Variants in ADAM19 observed in about 807,000 individuals in gnomAD.
ADAM19 encodes the protein ADAM metallopeptidase domain 19, also known as disintegrin and metalloproteinase domain-containing protein 19.
ADAM19 carries 65 observed loss-of-function variants against 114.7 expected under a neutral mutation model. That is an observed-to-expected ratio of 0.57 (90% CI 0.46 to 0.70). The LOEUF (loss-of-function observed/expected upper bound fraction) is 0.70, where lower values mean the gene tolerates loss of function less well. ADAM19 is among the 30% of genes least tolerant of loss of function. ADAM19 has a pLI of 0.00. For synonymous variants in ADAM19, 466 were observed against 460.5 expected, an observed-to-expected ratio of 1.01 and a Z score of -0.15; for missense variants, 1,063 against 1,204.7, an observed-to-expected ratio of 0.88 and a Z score of 1.74.
At chr5:157,548,937 A>G (rs376338343) in intron 3 of ADAM19, among the ~76,000 whole-genome samples, 8 of 152,300 alleles carry the variant, frequency 5.3e-5, no homozygotes, top group African/African-American at 1.9e-4. Flanking sequence ...ATGTATATCC[A>G]TAAATCCGTC....
At chr5:157,490,771 A>T (rs1414034930) in intron 18 of ADAM19, among the ~76,000 whole-genome samples, 1 of 151,980 alleles carries the variant, frequency 6.6e-6, no homozygotes, top group Non-Finnish European at 1.5e-5. Context: ...ACATGCCTGT[A>T]GTCTCAGCTA....
At position 157,479,191 on chromosome 5, in the gene ADAM19, C is replaced by G. The variant is rs1754677425; in HGVS notation, c.*1758G>C. The G allele has an allele frequency of 1.7e-5, 17 of 985,894 alleles. No homozygotes were observed. The highest frequency in any genetic ancestry group is 2.0e-5 in the Non-Finnish European group (17 of 829,940). 61.1% of individuals were successfully genotyped at this position (985,894 alleles called of 1,614,324 possible). A position where few individuals can be genotyped will look rare whatever the true frequency, so the allele number is the denominator to read the frequency against. ...CAGCCACCCTGAGGGAAGAGAAACT[C>G]ATTTTCCTGAGATCTTTCTAAACCC... On this transcript the variant is annotated 3_prime_UTR_variant, in exon 23 of 23. Coordinates refer to ENST00000257527, the MANE Select transcript of ADAM19 (RefSeq NM_033274.5).
intron 8 of ADAM19, among the ~76,000 whole-genome samples, chr5:157,510,077 A>T (rs1158737017): frequency 1.3e-5 from 2 of 152,204 alleles, no homozygotes; most frequent in Non-Finnish European, 2.9e-5. Context: ...TCTCTTGTAT[A>T]TAGATTTTTT....
At chr5:157,504,105 AAG>A (rs1459618344) in intron 11 of ADAM19, among the ~76,000 whole-genome samples, 1 of 152,254 alleles carries the variant, frequency 6.6e-6, no homozygotes, top group African/African-American at 2.4e-5. Flanking sequence ...TTAAAAATGA[AAG>A]AGAGTAGTAA....
chr5:157,506,585 T>C (rs1421606181), intron 10 of ADAM19, among the ~76,000 whole-genome samples: 1 of 152,218 alleles, frequency 6.6e-6, no homozygotes, highest in Non-Finnish European at 1.5e-5. Context: ...TCTTCCTTGA[T>C]ATGCACTTCA....
At chr5:157,538,034 A>G (rs1756812862) in intron 3 of ADAM19, 43 bp from the exon 4 acceptor site, 1 of 1,483,274 alleles carries the variant, frequency 6.7e-7, no homozygotes, top group Non-Finnish European at 9.4e-7. Context: ...AAGTGGATGA[A>G]CTCCACCCTC....
At chr5:157,538,407 G>A (rs1756825941) in intron 3 of ADAM19, among the ~76,000 whole-genome samples, 1 of 152,276 alleles carries the variant, frequency 6.6e-6, no homozygotes, top group African/African-American at 2.4e-5. Flanking sequence ...TTCTTTAAGG[G>A]AATAACTCTT....
intron 3 of ADAM19, among the ~76,000 whole-genome samples, chr5:157,544,559 G>C (rs998186068): frequency 9.9e-5 from 15 of 152,174 alleles, no homozygotes; most frequent in African/African-American, 3.6e-4. Flanking sequence ...TGTGAAGATG[G>C]GTAACCTCTC....
chr5:157,557,044 C>T (rs1364765853), intron 3 of ADAM19, among the ~76,000 whole-genome samples: 2 of 152,084 alleles, frequency 1.3e-5, no homozygotes, highest in East Asian at 1.9e-4. Context: ...CCATGCCTGG[C>T]TAATTTTTGT....
At position 157,509,482 on chromosome 5, in the gene ADAM19, A is replaced by T; in HGVS notation, c.739-15T>A. ...GATCGGTAAAACTGAAAGGACACAG[A>T]AAAACCACAGTATCTGTCAATACCA... On this transcript the variant is annotated splice_polypyrimidine_tract_variant and intron_variant, in intron 8 of 22. Coordinates refer to ENST00000257527, the MANE Select transcript of ADAM19 (RefSeq NM_033274.5). 6.4e-7 allele frequency: 1 copy of T among 1,569,874 alleles called. No individual in the cohort carries two copies. The highest frequency in any genetic ancestry group is 8.7e-7 in the Non-Finnish European group (1 of 1,152,892).
intron 18 of ADAM19, 111 bp from the exon 19 acceptor site, chr5:157,490,565 T>C (rs541087725): frequency 3.1e-6 from 4 of 1,291,332 alleles, no homozygotes; most frequent in Admixed American, 2.2e-5. Flanking sequence ...ATTTAATTTG[T>C]ATTACTTATT....
intron 9 of ADAM19, among the ~76,000 whole-genome samples, 190 bp from the exon 10 acceptor site, chr5:157,507,330 C>T (rs1420832362): frequency 6.6e-6 from 1 of 152,248 alleles, no homozygotes; most frequent in African/African-American, 2.4e-5. Context: ...CACTTCCTCT[C>T]ACCTACTCCC....
chr5:157,552,765 C>T (rs1757239502), intron 3 of ADAM19, among the ~76,000 whole-genome samples: 1 of 151,074 alleles, frequency 6.6e-6, no homozygotes, highest in African/African-American at 2.4e-5. Context: ...TTTACAATAG[C>T]CAAGATTTGG....
chr5:157,488,324 A>G lies in ADAM19; in HGVS notation c.2491T>C (p.Ser831Pro). ...PGSQIERTES[S>P]RRPPPSRPIP... is the part of the protein sequence containing the mutation. ...GGCCGGCTTGGAGGAGGCCTCCTGGACGACTCCGTCCTCTCTATTTGAGAC... is the reference window on the plus strand; with the variant it reads ...GGCCGGCTTGGAGGAGGCCTCCTGGGCGACTCCGTCCTCTCTATTTGAGAC... The change falls in exon 21 of 23, where the codon TCC (serine) becomes CCC (proline). Residue 831 changes from serine (S) to proline (P), a missense_variant. This residue lies in a region of ADAM19 where 424 missense variants were observed against 445.5 expected (regional missense o/e 0.95). Coordinates refer to ENST00000257527, the MANE Select transcript of ADAM19 (RefSeq NM_033274.5). 6.2e-7 allele frequency: 1 copy of G among 1,614,128 alleles called. No homozygotes were observed. Among genetic ancestry groups the G allele is most frequent in the Non-Finnish European group, 8.5e-7 (1 of 1,180,000 alleles).
chr5:157,547,056 C>G (rs777976535), intron 3 of ADAM19, among the ~76,000 whole-genome samples: 36 of 152,290 alleles, frequency 2.4e-4, no homozygotes, highest in African/African-American at 8.2e-4. Flanking sequence ...AGGGGAGGCA[C>G]AGATTTTGCT....
intron 7 of ADAM19, among the ~76,000 whole-genome samples, chr5:157,516,445 C>G (rs1040964103): frequency 6.6e-6 from 1 of 152,138 alleles, no homozygotes; most frequent in Admixed American, 6.5e-5. Flanking sequence ...CTCTGGAGGT[C>G]AGGAGATAGA....
At chr5:157,491,196 T>C (rs1003662309) in intron 18 of ADAM19, among the ~76,000 whole-genome samples, 1 of 152,150 alleles carries the variant, frequency 6.6e-6, no homozygotes, top group African/African-American at 2.4e-5. Context: ...ACTAAAATAC[T>C]ATAAAATTTT....
At position 157,477,555 on chromosome 5, in the gene ADAM19, A is replaced by C. The variant is rs964157927; in HGVS notation, c.*3394T>G. The C allele has an allele frequency of 1.9e-4, 223 of 1,190,768 alleles. No individual in the cohort carries two copies. The highest frequency in any genetic ancestry group is 2.3e-4 in the Non-Finnish European group (220 of 937,106). 73.8% of individuals were successfully genotyped at this position (1,190,768 alleles called of 1,614,324 possible). On this transcript the variant is annotated 3_prime_UTR_variant, in exon 23 of 23. Transcript: ENST00000257527. The stretch of plus-strand genomic sequence containing the variant: ...AGGACGCGTTGGGGGTGACTTTGGA[A>C]ATGTGGGCTTGGATTCTACAGAACC...
At chr5:157,554,847 G>A (rs1457621803) in intron 3 of ADAM19, among the ~76,000 whole-genome samples, 1 of 152,182 alleles carries the variant, frequency 6.6e-6, no homozygotes, top group African/African-American at 2.4e-5. Flanking sequence ...GACTCTCAAA[G>A]GTTGAGCGAC....
Sources: allele counts gnomAD v4.1 joint callset (sites outside exome capture counted in the v4.1 genomes callset), GRCh38; gene constraint gnomAD v4.1.1; regional missense constraint gnomAD v4.1.1; transcripts MANE v1.5; gene names NCBI Gene and HGNC (gene_info 2026-07-23, HGNC 2026-07-21).